ASTN2: variants seen among roughly 807,000 people sequenced by gnomAD.
ASTN2 encodes the protein astrotactin 2, also known as astrotactin-2.
Under a neutral mutation model 139.8 loss-of-function variants are expected in ASTN2, and 54 were observed. That is an observed-to-expected ratio of 0.39 (90% CI 0.31 to 0.48). The LOEUF (loss-of-function observed/expected upper bound fraction) is 0.48, where lower values mean the gene tolerates loss of function less well. Among genes scored for constraint, ASTN2 ranks in the 20% least tolerant of loss-of-function variants. The probability of loss-of-function intolerance (pLI) is 0.95; values close to 1 mark genes in which losing one functional copy is unlikely to be tolerated. For synonymous variants in ASTN2, 756 were observed against 719.5 expected (o/e 1.05, Z -0.81); for missense variants, 1,565 against 1,725.1 (o/e 0.91, Z 1.64).
chr9:117,271,443 G>T (rs112435051), intron 2 of ASTN2, among the ~76,000 whole-genome samples: 1 of 152,034 alleles, frequency 6.6e-6, no homozygotes, highest in South Asian at 2.1e-4. Flanking sequence ...ATATCATTCC[G>T]CCCCTGACCC....
chr9:116,697,332 A>C lies in ASTN2; in HGVS notation c.2806+28439T>G, dbSNP rs1188159900. 9 of 227,052 alleles carry C rather than the reference A, an allele frequency of 4.0e-5. No homozygotes were observed. In the East Asian group the frequency reaches 8.7e-4, roughly 22 times the overall value. The allele number at this position is 227,052 out of a possible 1,614,324, so 14.1% of individuals were successfully genotyped here. ...TATCTTGTTACTTAGCCCTTATAAT[A>C]ACCATATAAGGCAGACACCATTATT... On this transcript the variant is annotated intron_variant, in intron 16 of 22. Coordinates refer to ENST00000313400, the MANE Select transcript of ASTN2 (RefSeq NM_001365068.1).
rs1442749637 is a variant in ASTN2, at chr9:116,699,070, G to A, written c.2806+26701C>T. On this transcript the variant is annotated intron_variant, in intron 16 of 22. Coordinates refer to ENST00000313400, the MANE Select transcript of ASTN2 (RefSeq NM_001365068.1). The surrounding 1 kb of genome is among the most constrained non-coding windows in gnomAD (Gnocchi z 4.2). ...GCAATGAACTGCCAGGGGCTGATTG[G>A]TGTGACTGACAGCTATGATAACTCC... 2 of 1,614,026 alleles carry A rather than the reference G, an allele frequency of 1.2e-6. No individual in the cohort carries two copies. The highest frequency in any genetic ancestry group is 1.3e-5 in the African/African-American group (1 of 74,940).
At chr9:117,230,705 T>C (rs1832864698) in intron 2 of ASTN2, among the ~76,000 whole-genome samples, 1 of 152,036 alleles carries the variant, frequency 6.6e-6, no homozygotes, top group South Asian at 2.1e-4. Context: ...AAAGAAAAGG[T>C]CTAAGAGAGA....
Position 116,618,477 on chromosome 9 carries a change from A to G in ASTN2, c.3207-5T>C. ...ACTGTTGGGGACAGCCGCAGCCTAC[A>G]GGGAATAAAAAGGAAGATTCGTGTT... On this transcript the variant is annotated splice_polypyrimidine_tract_variant and splice_region_variant and intron_variant, in intron 18 of 22. Transcript: ENST00000313400. 2 of 1,602,286 alleles carry G rather than the reference A, an allele frequency of 1.2e-6. No homozygotes were observed. Among genetic ancestry groups the G allele is most frequent in the Non-Finnish European group, 1.7e-6 (2 of 1,176,230 alleles).
At chr9:117,394,676 G>A (rs1830629606) in intron 1 of ASTN2, among the ~76,000 whole-genome samples, 1 of 152,204 alleles carries the variant, frequency 6.6e-6, no homozygotes, top group African/African-American at 2.4e-5. Context: ...AGAGGACACA[G>A]CTCGAGCAAA....
intron 13 of ASTN2, among the ~76,000 whole-genome samples, chr9:116,799,833 A>C (rs191970730): frequency 1.5e-4 from 23 of 152,282 alleles, no homozygotes; most frequent in Non-Finnish European, 2.8e-4. Context: ...GGATTCTGAC[A>C]GTGACCCTAC....
intron 19 of ASTN2, among the ~76,000 whole-genome samples, chr9:116,603,675 T>C (rs1588065425): frequency 3.9e-5 from 6 of 152,306 alleles, no homozygotes; most frequent in Admixed American, 3.9e-4. Context: ...AGACACAAGG[T>C]AGTATAGATT....
intron 1 of ASTN2, among the ~76,000 whole-genome samples, chr9:117,325,938 A>G (rs529799772): frequency 6.6e-6 from 1 of 152,138 alleles, no homozygotes; most frequent in African/African-American, 2.4e-5. Flanking sequence ...GCCATAGTAC[A>G]TGCCTGATGA....
At chr9:116,818,885 G>C (rs896706373) in intron 12 of ASTN2, among the ~76,000 whole-genome samples, 1 of 152,170 alleles carries the variant, frequency 6.6e-6, no homozygotes, top group Non-Finnish European at 1.5e-5. Flanking sequence ...GAGATGTTGA[G>C]CCACATCACT....
chr9:117,093,085 A>G (rs571765232), intron 5 of ASTN2, among the ~76,000 whole-genome samples: 1 of 152,310 alleles, frequency 6.6e-6, no homozygotes, highest in South Asian at 2.1e-4. Flanking sequence ...CCCATGTCCC[A>G]TTCACACACA....
chr9:117,121,673 G>C (rs1829561606), intron 4 of ASTN2, among the ~76,000 whole-genome samples: 1 of 152,164 alleles, frequency 6.6e-6, no homozygotes, highest in African/African-American at 2.4e-5. Flanking sequence ...TTCTCACTCT[G>C]CTATAAAGAA....
chr9:117,375,728 A>G (rs897262362), intron 1 of ASTN2, among the ~76,000 whole-genome samples: 1 of 152,212 alleles, frequency 6.6e-6, no homozygotes, highest in African/African-American at 2.4e-5. Context: ...GCTGTAACGA[A>G]TGACCACAAA....
chr9:117,367,928 G>C (rs1383775586), intron 1 of ASTN2, among the ~76,000 whole-genome samples: 3 of 152,028 alleles, frequency 2.0e-5, no homozygotes, highest in African/African-American at 7.2e-5. Context: ...TATGAGTTCT[G>C]TACAATATTT....
chr9:116,455,883 T>G (rs1428228768), intron 20 of ASTN2, among the ~76,000 whole-genome samples: 2 of 151,856 alleles, frequency 1.3e-5, no homozygotes, highest in African/African-American at 4.8e-5. Flanking sequence ...ACAATAAAAC[T>G]ATATACAATA....
At chr9:117,216,156 C>T (rs548885873) in intron 2 of ASTN2, among the ~76,000 whole-genome samples, 1 of 152,282 alleles carries the variant, frequency 6.6e-6, no homozygotes, top group South Asian at 2.1e-4. Context: ...ATCTTAGGGG[C>T]AAAGGTGGCT....
At chr9:116,708,743 G>A (rs113936560) in intron 16 of ASTN2, among the ~76,000 whole-genome samples, 160 of 152,226 alleles carry the variant, frequency 1.1e-3, no homozygotes, top group African/African-American at 3.6e-3. Flanking sequence ...AACAGCATTC[G>A]CAATTTTTTT....
intron 19 of ASTN2, among the ~76,000 whole-genome samples, chr9:116,537,645 T>G (rs932957057): frequency 6.6e-6 from 1 of 152,208 alleles, no homozygotes; most frequent in Non-Finnish European, 1.5e-5. Context: ...GAGAAAATTT[T>G]ATGTATGATC....
At chr9:117,231,072 A>T (rs917021351) in intron 2 of ASTN2, among the ~76,000 whole-genome samples, 4 of 152,208 alleles carry the variant, frequency 2.6e-5, no homozygotes, top group African/African-American at 9.7e-5. Context: ...CTGGGAGCAG[A>T]AGAGTATTTA....
intron 19 of ASTN2, among the ~76,000 whole-genome samples, chr9:116,543,371 G>A (rs901695109): frequency 6.6e-6 from 1 of 151,416 alleles, no homozygotes; most frequent in African/African-American, 2.4e-5. Context: ...TAGGGAGGCT[G>A]AGGCTGCAAT....
Sources: allele counts gnomAD v4.1 joint callset (sites outside exome capture counted in the v4.1 genomes callset), GRCh38; gene constraint gnomAD v4.1.1; non-coding constraint Gnocchi (gnomAD v3.1); transcripts MANE v1.5; gene names NCBI Gene and HGNC (gene_info 2026-07-23, HGNC 2026-07-21).